The following GPRC5A variants were observed in gnomAD, a reference collection of about 807,000 sequenced individuals.
The protein encoded by GPRC5A is G protein-coupled receptor class C group 5 member A, also known as retinoic acid-induced protein 3.
GPRC5A carries 19 observed loss-of-function variants against 22.5 expected under a neutral mutation model. That is an observed-to-expected ratio of 0.85 (90% confidence interval 0.59 to 1.24). The LOEUF is 1.24. Among genes scored for constraint, GPRC5A ranks in the 50% most tolerant of loss-of-function variants. The probability of loss-of-function intolerance (pLI) is 0.00; values close to 1 mark genes in which losing one functional copy is unlikely to be tolerated. For synonymous variants in GPRC5A, 192 were observed against 184.5 expected, an observed-to-expected ratio of 1.04 and a Z score of -0.33; for missense variants, 471 against 451.1, an observed-to-expected ratio of 1.04 and a Z score of -0.40.
rs1398666795 is a variant in GPRC5A at position 12,915,089 on chromosome 12, T to A, written c.*2550T>A. The stretch of plus-strand genomic sequence containing the variant: ...AGGCTGGAGTGCAGTGGCACAATCA[T>A]AGCTCACTGCAGCCTCAACTTTCTG... On this transcript the variant is annotated 3_prime_UTR_variant, in exon 4 of 4. Coordinates refer to ENST00000014914, the MANE Select transcript of GPRC5A (RefSeq NM_003979.4). The A allele has an allele frequency of 7.2e-6, 1 of 138,114 alleles. No individual in the cohort carries two copies. Among genetic ancestry groups the A allele is most frequent in the African/African-American group, 2.7e-5 (1 of 37,586 alleles). 8.6% of individuals were successfully genotyped at this position (138,114 alleles called of 1,614,324 possible).
intron 1 of GPRC5A, among the ~76,000 whole-genome samples, chr12:12,894,693 G>A (rs1863801759): frequency 6.6e-6 from 1 of 151,198 alleles, no homozygotes; most frequent in South Asian, 2.1e-4. Context: ...ATAGGTGTAA[G>A]CCTCTGTACC....
At chr12:12,901,311 G>A (rs1167318635) in intron 1 of GPRC5A, among the ~76,000 whole-genome samples, 1 of 152,150 alleles carries the variant, frequency 6.6e-6, no homozygotes, top group Non-Finnish European at 1.5e-5. Context: ...CGGCCACTAA[G>A]ATAGGAGCGG....
rs60735966 is a variant in GPRC5A at position 12,915,017 on chromosome 12, ATTT to A, written c.*2497_*2499del. On this transcript the variant is annotated 3_prime_UTR_variant, in exon 4 of 4. Transcript: ENST00000014914. ...AAATCACAAAATACTCTGGATCGGC[ATTT>A]TTTTTTTTTTTTTTTTTTGAGACAG... 66 of 108,660 alleles carry A rather than the reference ATTT, an allele frequency of 6.1e-4. No individual in the cohort carries two copies. The highest frequency in any genetic ancestry group is 3.2e-3 in the Admixed American group (27 of 8,540). 6.7% of individuals were successfully genotyped at this position (108,660 alleles called of 1,614,324 possible).
At chr12:12,907,889 A>G (rs1863959376) in intron 1 of GPRC5A, among the ~76,000 whole-genome samples, 1 of 152,210 alleles carries the variant, frequency 6.6e-6, no homozygotes, top group Admixed American at 6.5e-5. Flanking sequence ...AGACTCCTGA[A>G]GTGCTGGGAT....
rs1864038614 is a variant in GPRC5A at position 12,914,549 on chromosome 12, C to CTTCTCTCTTTCTTTCT, written c.*2014_*2015insCTCTTTCTTTCTTTCT. ...CTCTCTTTCCTTCCTTCCTTCCTTT[C>CTTCTCTCTTTCTTTCT]TTCTTTCTTTCTTTCTTTCTTTCTT... On this transcript the variant is annotated 3_prime_UTR_variant, in exon 4 of 4. Transcript: ENST00000014914. The CTTCTCTCTTTCTTTCT allele has an allele frequency of 2.0e-5, 1 of 50,532 alleles. No homozygotes were observed. The highest frequency in any genetic ancestry group is 3.5e-5 in the Non-Finnish European group (1 of 28,472). 3.1% of individuals were successfully genotyped at this position (50,532 alleles called of 1,614,324 possible).
In GPRC5A at chr12:12,909,029, T is replaced by C. The variant is rs780389643; in HGVS notation, c.780T>C (p.Tyr260=). 11 of 1,613,192 alleles carry C rather than the reference T, an allele frequency of 6.8e-6. No homozygotes were observed. In the Admixed American group the frequency reaches 1.0e-4, roughly 15 times the overall value. The change falls in exon 2 of 4, where the codon TAT becomes TAC. Residue 260 remains tyrosine, a synonymous_variant. Coordinates refer to ENST00000014914, the MANE Select transcript of GPRC5A (RefSeq NM_003979.4). ...ATGGCTGGGTGTTCCTGTTGGCTTA[T>C]GTTAGTCCCGAGTTTTGGCTGCTCA... ...AANGWVFLLA[Y]VSPEFWLLTK...
chr12:12,893,825 C>T (rs1458079589), intron 1 of GPRC5A, among the ~76,000 whole-genome samples: 3 of 152,190 alleles, frequency 2.0e-5, no homozygotes, highest in Non-Finnish European at 4.4e-5. Flanking sequence ...GTGATCTCGG[C>T]TCACTGAAAC....
chr12:12,898,787 G>A (rs954194491), intron 1 of GPRC5A, among the ~76,000 whole-genome samples: 15 of 152,130 alleles, frequency 9.9e-5, no homozygotes, highest in Non-Finnish European at 1.9e-4. Context: ...CCAAAGCCCT[G>A]TCTCTTCTAC....
chr12:12,892,819 C>A (rs775250872), intron 1 of GPRC5A, among the ~76,000 whole-genome samples: 8 of 152,136 alleles, frequency 5.3e-5, no homozygotes, highest in African/African-American at 1.4e-4. Context: ...TTGAAGGGTT[C>A]GGCCGAATCA....
intron 1 of GPRC5A, among the ~76,000 whole-genome samples, chr12:12,894,202 T>C (rs1390559393): frequency 6.6e-6 from 1 of 152,246 alleles, no homozygotes; most frequent in African/African-American, 2.4e-5. Context: ...ATCACTGATA[T>C]AGAGGATCTG....
intron 1 of GPRC5A, among the ~76,000 whole-genome samples, chr12:12,898,952 A>G (rs913602899): frequency 1.3e-5 from 2 of 152,206 alleles, no homozygotes; most frequent in African/African-American, 4.8e-5. Flanking sequence ...TTCCTAATGT[A>G]TTCCATAACT....
In GPRC5A at chr12:12,915,927, G is replaced by C. The variant is rs185977525; in HGVS notation, c.*3388G>C. On this transcript the variant is annotated 3_prime_UTR_variant, in exon 4 of 4. Transcript: ENST00000014914. ...TGGCAGAAGGTTGCTGCTCATTTGA[G>C]CAGTACCTGTCACCCCTCCTCCCAC... The C allele has an allele frequency of 9.7e-6, 5 of 517,150 alleles. No homozygotes were observed. The highest frequency in any genetic ancestry group is 2.0e-5 in the Non-Finnish European group (5 of 249,382). The allele number at this position is 517,150 out of a possible 1,614,324, so 32.0% of individuals were successfully genotyped here.
At position 12,908,767 on chromosome 12, in the gene GPRC5A, G is replaced by A. The variant is rs200137528; in HGVS notation, c.518G>A (p.Arg173His). 7 of 1,614,156 alleles carry A rather than the reference G, an allele frequency of 4.3e-6. No individual in the cohort carries two copies. The highest frequency in any genetic ancestry group is 2.7e-5 in the African/African-American group (2 of 75,050). ...NVFSELSAPR[R>H]NEDFVLLLTY... ...TTTTCTGAGCTTTCCGCTCCTCGTC[G>A]CAATGAAGACTTTGTCCTCCTGCTC... Residue 173 changes from arginine to histidine, a missense_variant, in exon 2 of 4, where the codon CGC (arginine) becomes CAC (histidine). Arg to His is a conservative substitution (Grantham distance 29, BLOSUM62 0). Transcript: ENST00000014914.
chr12:12,899,725 G>C (rs985545722), intron 1 of GPRC5A, among the ~76,000 whole-genome samples: 4 of 152,150 alleles, frequency 2.6e-5, no homozygotes, highest in African/African-American at 4.8e-5. Context: ...ATTACATCAT[G>C]ACTGTTATTA....
At chr12:12,892,775 G>A (rs548337451) in intron 1 of GPRC5A, among the ~76,000 whole-genome samples, 1 of 152,308 alleles carries the variant, frequency 6.6e-6, no homozygotes, top group East Asian at 1.9e-4. Context: ...ATTCCTGATT[G>A]TCTCCTCAGA....
chr12:12,896,692 G>C (rs1863825475), intron 1 of GPRC5A, among the ~76,000 whole-genome samples: 1 of 152,098 alleles, frequency 6.6e-6, no homozygotes, highest in African/African-American at 2.4e-5. Flanking sequence ...AGAGTAAGGG[G>C]GATACCAACA....
Position 12,912,489 on chromosome 12 carries a change from G to T in GPRC5A, c.1024G>T (p.Ala342Ser), listed in dbSNP as rs780281859. The T allele has an allele frequency of 5.0e-6, 8 of 1,612,908 alleles. No individual in the cohort carries two copies. The highest frequency in any genetic ancestry group is 1.3e-5 in the African/African-American group (1 of 74,892). ...GGAATTCTCCATCCCACGGGCCCAC[G>T]CTTGGCCGAGCCCTTACAAAGACTA... Reference protein sequence around the residue: ...QKEFSIPRAHAWPSPYKDYEV... With the variant: ...QKEFSIPRAHSWPSPYKDYEV... The change falls in exon 4 of 4, where the codon GCT becomes TCT. Residue 342 changes from alanine (A) to serine (S), a missense_variant. Physicochemically the swap from Ala to Ser is moderately conservative, Grantham distance 99 (BLOSUM62 1). Transcript: ENST00000014914.
Position 12,908,755 on chromosome 12 carries a change from C to T in GPRC5A, c.506C>T (p.Ser169Phe), listed in dbSNP as rs1307353902. Residue 169 changes from serine (S) to phenylalanine (F), a missense_variant, in exon 2 of 4, where the codon TCC becomes TTC. By Grantham distance (155) the Ser-to-Phe change is radical. Transcript: ENST00000014914. ...RTNVNVFSEL[S>F]APRRNEDFVL... ...AACGTCAATGTCTTTTCTGAGCTTT[C>T]CGCTCCTCGTCGCAATGAAGACTTT... The T allele has an allele frequency of 1.9e-6, 3 of 1,614,236 alleles. No homozygotes were observed. Among genetic ancestry groups the T allele is most frequent in the Non-Finnish European group, 2.5e-6 (3 of 1,180,032 alleles).
chr12:12,904,278 TG>T (rs1863918054), intron 1 of GPRC5A, among the ~76,000 whole-genome samples: 1 of 152,124 alleles, frequency 6.6e-6, no homozygotes, highest in African/African-American at 2.4e-5. Flanking sequence ...GGATCAGACT[TG>T]GGTGCTTGGA....
Sources: allele counts gnomAD v4.1 joint callset (sites outside exome capture counted in the v4.1 genomes callset), GRCh38; gene constraint gnomAD v4.1.1; transcripts MANE v1.5; gene names NCBI Gene and HGNC (gene_info 2026-07-23, HGNC 2026-07-21).